RORA: variants seen among roughly 807,000 people sequenced by gnomAD.
RORA encodes nuclear receptor ROR-alpha.
In RORA, 7 loss-of-function variants were observed where a neutral mutation model predicts 69.5. That is an observed-to-expected ratio of 0.10 (90% CI 0.06 to 0.19). The LOEUF (loss-of-function observed/expected upper bound fraction) is 0.19. Among genes scored for constraint, RORA ranks in the 10% least tolerant of loss-of-function variants. RORA has a pLI of 1.00. For missense variants in RORA, 457 were observed against 663.0 expected, an observed-to-expected ratio of 0.69 and a Z score of 3.41; for synonymous variants, 261 against 240.8, an observed-to-expected ratio of 1.08 and a Z score of -0.78.
intron 1 of RORA, among the ~76,000 whole-genome samples, chr15:61,145,880 C>T (rs1373482687): frequency 6.6e-6 from 1 of 152,070 alleles, no homozygotes; most frequent in Non-Finnish European, 1.5e-5. Context: ...TATCTTAGGG[C>T]CCATTATATG....
Position 61,054,357 on chromosome 15 carries a change from A to C in RORA, c.166+174696T>G, listed in dbSNP as rs148810550. On this transcript the variant is annotated intron_variant, in intron 1 of 10. Coordinates refer to ENST00000335670, the MANE Select transcript of RORA (RefSeq NM_134261.3). ...GTTCTCCCATAGATGCAACAGAATT[A>C]ATCTTCATTAGTTAGCACAGCTATA... is the stretch of plus-strand genomic sequence containing the variant. Among the ~76,000 whole-genome samples the C allele has an allele frequency of 8.5e-5, 13 of 152,214 alleles. No individual in the cohort carries two copies. In the East Asian group the frequency reaches 2.3e-3, roughly 27 times the overall value.
chr15:60,907,732 C>T (rs762918164), intron 1 of RORA, among the ~76,000 whole-genome samples: 3 of 152,170 alleles, frequency 2.0e-5, no homozygotes, highest in Non-Finnish European at 2.9e-5. Context: ...AAATACTCTG[C>T]CACTCCCAGA....
chr15:61,032,469 T>C, intron 1 of RORA, among the ~76,000 whole-genome samples: 1 of 152,168 alleles, frequency 6.6e-6, no homozygotes, highest in African/African-American at 2.4e-5. Context: ...TATAAGCCAC[T>C]AAGAGGTAAA....
At chr15:60,624,513 G>GTATATA (rs60245502) in intron 2 of RORA, among the ~76,000 whole-genome samples, 2 of 110,040 alleles carry the variant, frequency 1.8e-5, no homozygotes, top group African/African-American at 7.2e-5. Context: ...GTATGTGTGT[G>GTATATA]TATATATATA....
intron 1 of RORA, among the ~76,000 whole-genome samples, chr15:60,872,558 C>G (rs1403840736): frequency 6.6e-6 from 1 of 152,138 alleles, no homozygotes; most frequent in Non-Finnish European, 1.5e-5. Flanking sequence ...TGCTTGACAT[C>G]TCCTGGAATC....
intron 1 of RORA, among the ~76,000 whole-genome samples, chr15:60,751,111 C>T (rs1207316712): frequency 1.3e-5 from 2 of 152,204 alleles, no homozygotes; most frequent in Non-Finnish European, 2.9e-5. Context: ...GGACAGCCCA[C>T]AGTCAGAGGC....
intron 1 of RORA, among the ~76,000 whole-genome samples, chr15:61,053,860 T>TATATATATATATATATATATATATATAA (rs1427951896): frequency 2.9e-5 from 4 of 139,494 alleles, no homozygotes; most frequent in African/African-American, 1.1e-4. Context: ...TATATATATA[T>TATATATATATATATATATATATATATAA]ATAAACATTC....
intron 1 of RORA, among the ~76,000 whole-genome samples, chr15:61,196,588 C>G (rs2079847328): frequency 6.6e-6 from 1 of 152,232 alleles, no homozygotes; most frequent in Non-Finnish European, 1.5e-5. Context: ...CTGCTAGCAG[C>G]TTTGTAATTC....
chr15:61,040,127 T>TC (rs1267512313), intron 1 of RORA, among the ~76,000 whole-genome samples: 1 of 81,512 alleles, frequency 1.2e-5, no homozygotes, highest in Non-Finnish European at 2.6e-5. Context: ...TATATATATA[T>TC]ATATATATAT....
At chr15:61,132,080 TTTAA>T (rs2079194723) in intron 1 of RORA, among the ~76,000 whole-genome samples, 1 of 152,184 alleles carries the variant, frequency 6.6e-6, no homozygotes, top group South Asian at 2.1e-4. Flanking sequence ...ATTCAAGTCT[TTTAA>T]AAAAGGAGGA....
chr15:61,167,158 C>G lies in RORA; in HGVS notation c.166+61895G>C, dbSNP rs542796506. ...CTGGAATCAGCTGAAACGAGAGCTTCTGTAAAAATCACTCTTCACTCGGTA... is the reference window on the plus strand; with the variant it reads ...CTGGAATCAGCTGAAACGAGAGCTTGTGTAAAAATCACTCTTCACTCGGTA... On this transcript the variant is annotated intron_variant, in intron 1 of 10. Coordinates refer to ENST00000335670, the MANE Select transcript of RORA (RefSeq NM_134261.3). Among the ~76,000 whole-genome samples the G allele has an allele frequency of 1.4e-4, 22 of 152,330 alleles. No individual in the cohort carries two copies. The South Asian group carries it at 2.5e-3, about 17-fold the overall frequency.
At chr15:60,521,977 A>C (rs2066182227) in intron 3 of RORA, among the ~76,000 whole-genome samples, 1 of 152,192 alleles carries the variant, frequency 6.6e-6, no homozygotes, top group South Asian at 2.1e-4. Context: ...TTTAAAAAAA[A>C]TGACTGTATA....
chr15:60,558,351 C>T, intron 2 of RORA: 1 of 1,306,830 alleles, frequency 7.7e-7, no homozygotes, highest in Non-Finnish European at 1.1e-6. Context: ...TACTAATGGG[C>T]ATTAATTAGT....
At chr15:61,182,042 T>G (rs957381781) in intron 1 of RORA, among the ~76,000 whole-genome samples, 6 of 152,216 alleles carry the variant, frequency 3.9e-5, no homozygotes, top group Admixed American at 6.5e-5. Flanking sequence ...TTAATGGATG[T>G]CTCAATTACA....
At chr15:60,696,467 A>G (rs1193189965) in intron 1 of RORA, among the ~76,000 whole-genome samples, 1 of 152,146 alleles carries the variant, frequency 6.6e-6, no homozygotes, top group Non-Finnish European at 1.5e-5. Context: ...CCCTAATTCC[A>G]GAAGCTAAGG....
intron 1 of RORA, among the ~76,000 whole-genome samples, chr15:61,188,877 G>A (rs1762208286): frequency 6.6e-6 from 1 of 152,088 alleles, no homozygotes; most frequent in Non-Finnish European, 1.5e-5. Flanking sequence ...CCTAACCTAC[G>A]AGTGACCAAG....
At chr15:60,634,915 C>T (rs1025167703) in intron 2 of RORA, among the ~76,000 whole-genome samples, 1 of 152,180 alleles carries the variant, frequency 6.6e-6, no homozygotes, top group African/African-American at 2.4e-5. Flanking sequence ...AAAGTCAACT[C>T]GTGTTCCAGG....
chr15:61,087,635 C>T (rs1463003656), intron 1 of RORA, among the ~76,000 whole-genome samples: 1 of 152,166 alleles, frequency 6.6e-6, no homozygotes, highest in Non-Finnish European at 1.5e-5. Flanking sequence ...TCTTGAGAAG[C>T]CATAAGTCTG....
intron 1 of RORA, among the ~76,000 whole-genome samples, chr15:61,066,580 C>T (rs548324438): frequency 5.3e-5 from 8 of 151,880 alleles, no homozygotes; most frequent in Non-Finnish European, 1.0e-4. Flanking sequence ...GCATGCGCCA[C>T]CACGCCTGGC....
Sources: allele counts gnomAD v4.1 joint callset (sites outside exome capture counted in the v4.1 genomes callset), GRCh38; gene constraint gnomAD v4.1.1; transcripts MANE v1.5; gene names NCBI Gene and HGNC (gene_info 2026-07-23, HGNC 2026-07-21).